Variants in RAB38 observed in about 807,000 individuals in gnomAD.
RAB38 encodes the protein ras-related protein Rab-38.
A neutral mutation model predicts 18.4 loss-of-function variants in RAB38; 15 were observed. The ratio of observed to expected loss-of-function variants is 0.82; its 90% CI spans 0.55 to 1.26. The LOEUF (loss-of-function observed/expected upper bound fraction) is 1.26. RAB38 is among the 50% of genes most tolerant of loss of function. The pLI is 0.00. For synonymous variants in RAB38, 101 were observed against 104.4 expected (o/e 0.97, Z 0.20); for missense variants, 294 against 267.4 (o/e 1.10, Z -0.69).
the RAB38 span, among the ~76,000 whole-genome samples, chr11:88,083,140 T>G: frequency 2.0e-5 from 3 of 151,840 alleles, no homozygotes; most frequent in Admixed American, 1.3e-4. Flanking sequence ...CCTCACTTCC[T>G]TCAGTGTTTA....
chr11:87,953,517 A>G, the RAB38 span, among the ~76,000 whole-genome samples: 2 of 151,976 alleles, frequency 1.3e-5, no homozygotes, highest in Non-Finnish European at 2.9e-5. Flanking sequence ...GTGCTATAAT[A>G]AAATTTATGT....
chr11:87,977,311 ATATAAT>A, the RAB38 span, among the ~76,000 whole-genome samples: 1 of 131,580 alleles, frequency 7.6e-6, no homozygotes, highest in Non-Finnish European at 1.5e-5. Context: ...ATATTATAAA[ATATAAT>A]TATATTATAC....
At chr11:87,816,649 T>C in the RAB38 span, 1 of 152,082 alleles carries the variant, frequency 6.6e-6, no homozygotes, top group African/African-American at 2.4e-5. Context: ...CATTCTCCTT[T>C]TGCCACTGTG....
the RAB38 span, among the ~76,000 whole-genome samples, chr11:88,058,882 A>G: frequency 6.6e-6 from 1 of 152,172 alleles, no homozygotes. Flanking sequence ...TGGGCTTCCA[A>G]AAATATGTGG....
the RAB38 span, among the ~76,000 whole-genome samples, chr11:87,820,052 T>C: frequency 6.6e-6 from 1 of 152,134 alleles, no homozygotes; most frequent in African/African-American, 2.4e-5. Context: ...AAAATAAGTT[T>C]ACATTATTAA....
chr11:87,975,503 A>T, the RAB38 span, among the ~76,000 whole-genome samples: 1 of 151,946 alleles, frequency 6.6e-6, no homozygotes, highest in East Asian at 1.9e-4. Context: ...CACGAAATGG[A>T]GATGACTAAC....
chr11:87,965,133 C>T, the RAB38 span, among the ~76,000 whole-genome samples: 1 of 152,130 alleles, frequency 6.6e-6, no homozygotes, highest in Non-Finnish European at 1.5e-5. Context: ...TCTCCAGACA[C>T]ATCCAATGTC....
the RAB38 span, among the ~76,000 whole-genome samples, chr11:87,916,015 G>A: frequency 6.6e-6 from 1 of 152,058 alleles, no homozygotes; most frequent in Non-Finnish European, 1.5e-5. Flanking sequence ...TTTTGGAATG[G>A]GAATATTTAC....
intron 1 of RAB38, chr11:88,167,288 G>T (rs183202258): frequency 1.8e-4 from 27 of 152,212 alleles, no homozygotes; most frequent in African/African-American, 6.5e-4. Flanking sequence ...TAAGATATCT[G>T]GAATGTAAAA....
chr11:88,125,501 G>A (rs958285710), intron 2 of RAB38, among the ~76,000 whole-genome samples: 5 of 152,114 alleles, frequency 3.3e-5, no homozygotes, highest in African/African-American at 1.2e-4. Flanking sequence ...GAATTGTCTG[G>A]TATCTTGAAT....
chr11:88,152,636 G>T (rs111359268), intron 1 of RAB38, among the ~76,000 whole-genome samples: 2 of 152,148 alleles, frequency 1.3e-5, no homozygotes, highest in Non-Finnish European at 2.9e-5. Flanking sequence ...TCCTTCCTTT[G>T]TCAGCTGACA....
chr11:88,071,308 C>G, the RAB38 span, among the ~76,000 whole-genome samples: 2 of 151,842 alleles, frequency 1.3e-5, no homozygotes, highest in African/African-American at 4.8e-5. Flanking sequence ...TGGGAAGGAA[C>G]AGAAACAAAA....
chr11:87,971,699 T>A, the RAB38 span, among the ~76,000 whole-genome samples: 1 of 152,084 alleles, frequency 6.6e-6, no homozygotes, highest in African/African-American at 2.4e-5. Context: ...CAGGTTCTAA[T>A]ATATGGAGGA....
At chr11:88,144,430 C>T (rs891526869) in intron 2 of RAB38, among the ~76,000 whole-genome samples, 1 of 152,118 alleles carries the variant, frequency 6.6e-6, no homozygotes, top group Non-Finnish European at 1.5e-5. Flanking sequence ...GAGCTTCCTA[C>T]GGCTGGAAAT....
the RAB38 span, among the ~76,000 whole-genome samples, chr11:88,011,995 T>C: frequency 2.6e-5 from 4 of 152,184 alleles, no homozygotes; most frequent in African/African-American, 9.7e-5. Context: ...TCTCTCTATA[T>C]CCCTTCCTTA....
chr11:87,893,372 A>ATG, the RAB38 span, among the ~76,000 whole-genome samples: 3 of 28,442 alleles, frequency 1.1e-4, no homozygotes, highest in Non-Finnish European at 9.6e-5. Flanking sequence ...TATATTTTAC[A>ATG]TATATATATA....
the RAB38 span, among the ~76,000 whole-genome samples, chr11:88,032,733 G>A: frequency 6.6e-6 from 1 of 152,178 alleles, no homozygotes; most frequent in African/African-American, 2.4e-5. Flanking sequence ...AACAACAGGT[G>A]CTGGAGAGGA....
At chr11:88,081,834 C>T in the RAB38 span, among the ~76,000 whole-genome samples, 2 of 151,832 alleles carry the variant, frequency 1.3e-5, no homozygotes, top group Non-Finnish European at 2.9e-5. Flanking sequence ...CAGCTTTGTT[C>T]ATAAAAACCA....
downstream of RAB38, among the ~76,000 whole-genome samples, chr11:88,112,652 T>C (rs1180899003): frequency 6.6e-6 from 1 of 152,260 alleles, no homozygotes; most frequent in East Asian, 1.9e-4. Context: ...CACATGCCTG[T>C]AGTCCCAGCT....
Sources: allele counts gnomAD v4.1 joint callset (sites outside exome capture counted in the v4.1 genomes callset), GRCh38; gene constraint gnomAD v4.1.1; transcripts MANE v1.5; gene names NCBI Gene and HGNC (gene_info 2026-07-23, HGNC 2026-07-21).